TRIM71: variants seen among roughly 807,000 people sequenced by gnomAD.
TRIM71 encodes the protein tripartite motif containing 71, also known as E3 ubiquitin-protein ligase TRIM71.
TRIM71 carries 9 observed loss-of-function variants against 61.2 expected under a neutral mutation model. The observed-to-expected ratio is 0.15, with a 90% confidence interval of 0.09 to 0.26. The LOEUF is 0.26. TRIM71 is among the 10% of genes least tolerant of loss of function. The pLI, the probability that TRIM71 is intolerant of heterozygous loss-of-function variation, is 1.00. For missense variants in TRIM71, 998 were observed against 1,238.7 expected, an observed-to-expected ratio of 0.81 and a Z score of 2.92; for synonymous variants, 645 against 553.2, an observed-to-expected ratio of 1.17 and a Z score of -2.33.
chr3:32,844,035 G>A (rs1235219217), intron 1 of TRIM71, among the ~76,000 whole-genome samples: 1 of 152,224 alleles, frequency 6.6e-6, no homozygotes, highest in Non-Finnish European at 1.5e-5. Flanking sequence ...GAGAGCCGAA[G>A]TATTTTACGG....
At chr3:32,886,733 G>A (rs1696965542) in intron 3 of TRIM71, among the ~76,000 whole-genome samples, 1 of 152,164 alleles carries the variant, frequency 6.6e-6, no homozygotes, top group Admixed American at 6.5e-5. Flanking sequence ...ATTTATAAGG[G>A]TATCCTTGTG....
intron 1 of TRIM71, among the ~76,000 whole-genome samples, chr3:32,830,918 C>T (rs902818318): frequency 6.6e-6 from 1 of 152,214 alleles, no homozygotes; most frequent in Non-Finnish European, 1.5e-5. Flanking sequence ...TCAAGCGATT[C>T]TCGTGCCTCA....
At chr3:32,866,594 T>A (rs1027146004) in intron 1 of TRIM71, among the ~76,000 whole-genome samples, 2 of 152,304 alleles carry the variant, frequency 1.3e-5, no homozygotes, top group East Asian at 3.9e-4. Flanking sequence ...GACATGGTGG[T>A]GTGCTACTGG....
chr3:32,838,691 A>C (rs987829430), intron 1 of TRIM71, among the ~76,000 whole-genome samples: 1 of 152,156 alleles, frequency 6.6e-6, no homozygotes, highest in Non-Finnish European at 1.5e-5. Context: ...GTGAACACTT[A>C]TGAGAAAGTT....
intron 1 of TRIM71, among the ~76,000 whole-genome samples, chr3:32,841,324 G>A (rs1489985459): frequency 6.6e-6 from 1 of 152,090 alleles, no homozygotes; most frequent in African/African-American, 2.4e-5. Context: ...AGTACCCTGA[G>A]TGTGATATTA....
intron 1 of TRIM71, among the ~76,000 whole-genome samples, chr3:32,843,323 C>G (rs549884346): frequency 1.7e-4 from 26 of 152,206 alleles, no homozygotes; most frequent in African/African-American, 6.0e-4. Context: ...GACACTCCCC[C>G]CAACTCACCA....
rs1315031598 is a variant in TRIM71 at position 32,818,010 on chromosome 3, C to T, written c.-71C>T. 4.8e-6 allele frequency: 7 copies of T among 1,457,524 alleles called. No homozygotes were observed. The African/African-American group carries it at 1.0e-4, about 21-fold the overall frequency. The allele number at this position is 1,457,524 out of a possible 1,614,324, so 90.3% of individuals were successfully genotyped here. On this transcript the variant is annotated 5_prime_UTR_variant, in exon 1 of 4. Coordinates refer to ENST00000383763, the MANE Select transcript of TRIM71 (RefSeq NM_001039111.3). ...AGTGAGTCGGTGACTCCCCCACCCA[C>T]CTCGTCCGCTCTCTCCTCCTCCTCC...
intron 2 of TRIM71, among the ~76,000 whole-genome samples, chr3:32,884,636 G>A (rs1696941573): frequency 6.6e-6 from 1 of 150,994 alleles, no homozygotes; most frequent in African/African-American, 2.4e-5. Context: ...AAGGAGGGAA[G>A]TGGAAATGAC....
At chr3:32,885,700 A>C (rs1470381930) in intron 2 of TRIM71, among the ~76,000 whole-genome samples, 3 of 152,272 alleles carry the variant, frequency 2.0e-5, no homozygotes, top group Middle Eastern at 3.4e-3. Flanking sequence ...TTCACTGTGT[A>C]GGTGCTATTT....
chr3:32,840,607 G>A (rs902508230), intron 1 of TRIM71, among the ~76,000 whole-genome samples: 4 of 152,166 alleles, frequency 2.6e-5, no homozygotes, highest in Admixed American at 2.6e-4. Context: ...GGCATGCAGT[G>A]GGGGTAGGCT....
intron 1 of TRIM71, among the ~76,000 whole-genome samples, chr3:32,842,796 C>T (rs1418162335): frequency 6.6e-6 from 1 of 151,944 alleles, no homozygotes; most frequent in Non-Finnish European, 1.5e-5. Flanking sequence ...CTCTGTTCTG[C>T]AATTTGGTAC....
chr3:32,874,557 C>G (rs1376148540), intron 2 of TRIM71, among the ~76,000 whole-genome samples: 1 of 152,018 alleles, frequency 6.6e-6, no homozygotes, highest in Non-Finnish European at 1.5e-5. Flanking sequence ...GAGTCTCACT[C>G]TGTTGCCCAG....
chr3:32,849,766 T>C (rs1447716926), intron 1 of TRIM71, among the ~76,000 whole-genome samples: 1 of 152,224 alleles, frequency 6.6e-6, no homozygotes, highest in Non-Finnish European at 1.5e-5. Context: ...GTTGGGTGCA[T>C]TGGCTATGGA....
intron 3 of TRIM71, among the ~76,000 whole-genome samples, chr3:32,889,188 G>A (rs1390230536): frequency 6.6e-6 from 1 of 152,142 alleles, no homozygotes; most frequent in Non-Finnish European, 1.5e-5. Flanking sequence ...GTGGGTTACT[G>A]CAGTACCTCC....
intron 1 of TRIM71, among the ~76,000 whole-genome samples, chr3:32,823,565 A>G (rs534416170): frequency 4.6e-5 from 7 of 152,298 alleles, no homozygotes; most frequent in Middle Eastern, 3.4e-3. Context: ...ATATTTGGGG[A>G]AAAAAACGTT....
chr3:32,846,800 G>A (rs1303918953), intron 1 of TRIM71, among the ~76,000 whole-genome samples: 1 of 151,970 alleles, frequency 6.6e-6, no homozygotes, highest in Non-Finnish European at 1.5e-5. Context: ...GTCTTTCTGT[G>A]CCTGGCTTGT....
rs1050034925 is a variant in TRIM71, at chr3:32,818,508, C to T, written c.428C>T (p.Ala143Val). ...GGGCGCGCCGGCGCTCCGGCGGGAG[C>T]GGGCGGCCACAGCAACCACCGGCAC... ...KNGRAGAPAG[A>V]GGHSNHRHHA... Residue 143 changes from alanine to valine, a missense_variant, in exon 1 of 4, where the codon GCG becomes GTG. Physicochemically the swap from Ala to Val is moderately conservative, Grantham distance 64. Transcript: ENST00000383763. 5.6e-6 allele frequency: 8 copies of T among 1,416,132 alleles called. No homozygotes were observed. The highest frequency in any genetic ancestry group is 3.0e-5 in the African/African-American group (2 of 65,964). The allele number at this position is 1,416,132 out of a possible 1,614,324, so 87.7% of individuals were successfully genotyped here. A position where few individuals can be genotyped will look rare whatever the true frequency, so the allele number is the denominator to read the frequency against.
chr3:32,870,948 G>A (rs1575355320), intron 1 of TRIM71, among the ~76,000 whole-genome samples: 1 of 151,090 alleles, frequency 6.6e-6, no homozygotes, highest in Admixed American at 6.6e-5. Context: ...GAGTACAAGC[G>A]TGAGCCACCA....
rs574761883 is a variant in TRIM71 at position 32,831,947 on chromosome 3, G to A, written c.852+13015G>A. Among the ~76,000 whole-genome samples, 19 of 152,234 alleles carry A rather than the reference G, an allele frequency of 1.2e-4. No individual in the cohort carries two copies. The South Asian group carries it at 3.7e-3, about 30-fold the overall frequency. On this transcript the variant is annotated intron_variant, in intron 1 of 3. Coordinates refer to ENST00000383763, the MANE Select transcript of TRIM71 (RefSeq NM_001039111.3). ...GACAGAACTTGATGTGTTAAAATTTGCCATCAAAATATTTGAATGCCTGTT... is the reference window on the plus strand; with the variant it reads ...GACAGAACTTGATGTGTTAAAATTTACCATCAAAATATTTGAATGCCTGTT...
Sources: gnomAD v4.1 joint callset for allele counts (sites outside exome capture counted in the v4.1 genomes callset) on GRCh38, gnomAD v4.1.1 for gene constraint, MANE v1.5 for transcripts, NCBI Gene and HGNC (gene_info 2026-07-23, HGNC 2026-07-21) for gene names.